Variants in PSEN1 observed in about 807,000 individuals in gnomAD.
PSEN1 encodes presenilin 1, also known as presenilin-1.
Under a neutral mutation model 53.5 loss-of-function variants are expected in PSEN1, and 15 were observed. That is an observed-to-expected ratio of 0.28 (90% confidence interval 0.19 to 0.43). PSEN1 has a LOEUF of 0.43. PSEN1 is among the 20% of genes least tolerant of loss of function. The pLI is 1.00. For synonymous variants in PSEN1, 208 were observed against 209.8 expected (o/e 0.99, Z 0.08); for missense variants, 387 against 571.2 (o/e 0.68, Z 3.29).
At chr14:73,213,481 G>A (rs1899784987) in intron 10 of PSEN1, among the ~76,000 whole-genome samples, 1 of 151,882 alleles carries the variant, frequency 6.6e-6, no homozygotes, top group South Asian at 2.1e-4. Context: ...TTTCTCTGAA[G>A]CCAATGCAAA....
intron 8 of PSEN1, among the ~76,000 whole-genome samples, chr14:73,200,162 C>T (rs779972537): frequency 6.6e-6 from 1 of 152,088 alleles, no homozygotes; most frequent in African/African-American, 2.4e-5. Context: ...TATTGTTTGT[C>T]TAATGCTTTG....
chr14:73,141,749 C>T (rs1385835666), intron 1 of PSEN1, among the ~76,000 whole-genome samples: 1 of 151,954 alleles, frequency 6.6e-6, no homozygotes, highest in Non-Finnish European at 1.5e-5. Context: ...CGTGGCATTG[C>T]ATTCCAGCCT....
At chr14:73,162,890 T>A (rs1247956920) in intron 3 of PSEN1, among the ~76,000 whole-genome samples, 1 of 152,196 alleles carries the variant, frequency 6.6e-6, no homozygotes. Context: ...AGGTATATAT[T>A]AAGAGGGAGC....
chr14:73,197,894 A>T (rs372764513), intron 7 of PSEN1, 137 bp from the exon 8 acceptor site: 4 of 635,908 alleles, frequency 6.3e-6, no homozygotes, highest in Admixed American at 2.5e-5. Flanking sequence ...TTTATTTCAT[A>T]TTCATTCAAC....
chr14:73,170,005 C>G (rs923223511), intron 3 of PSEN1, among the ~76,000 whole-genome samples: 1 of 152,142 alleles, frequency 6.6e-6, no homozygotes, highest in East Asian at 1.9e-4. Context: ...GGGCAATTCC[C>G]GGAACTGAGG....
intron 6 of PSEN1, among the ~76,000 whole-genome samples, chr14:73,190,944 T>C (rs1052672305): frequency 1.3e-5 from 2 of 152,274 alleles, no homozygotes; most frequent in Non-Finnish European, 2.9e-5. Context: ...TACTCTATTT[T>C]GGAATTTCAA....
chr14:73,184,742 G>A (rs1482356611), intron 5 of PSEN1, among the ~76,000 whole-genome samples: 1 of 151,508 alleles, frequency 6.6e-6, no homozygotes, highest in Non-Finnish European at 1.5e-5. Flanking sequence ...CTGGCGGGGG[G>A]CTGACCCCCC....
chr14:73,169,558 A>G (rs1260265863), intron 3 of PSEN1: 1 of 152,044 alleles, frequency 6.6e-6, no homozygotes, highest in Non-Finnish European at 1.5e-5. Context: ...TGTGTTCCTT[A>G]TCTCTACCAA....
At chr14:73,171,765 T>C (rs747296392) in intron 4 of PSEN1, among the ~76,000 whole-genome samples, 3 of 152,174 alleles carry the variant, frequency 2.0e-5, no homozygotes, top group Non-Finnish European at 2.9e-5. Flanking sequence ...AAAACATTGC[T>C]TTACGAGGAA....
intron 3 of PSEN1, among the ~76,000 whole-genome samples, chr14:73,162,439 G>T (rs905626308): frequency 1.4e-5 from 2 of 142,320 alleles, no homozygotes; most frequent in African/African-American, 2.5e-5. Flanking sequence ...TCTCTCGCTC[G>T]CTCGCGCGCT....
intron 5 of PSEN1, among the ~76,000 whole-genome samples, chr14:73,185,584 GGAAAGAGA>G (rs1898476600): frequency 6.6e-6 from 1 of 151,878 alleles, no homozygotes; most frequent in African/African-American, 2.4e-5. Flanking sequence ...GGGAGACCGT[GGAAAGAGA>G]GGGAGAGGGA....
intron 1 of PSEN1, among the ~76,000 whole-genome samples, chr14:73,141,072 G>C (rs1283262485): frequency 6.6e-6 from 1 of 152,188 alleles, no homozygotes; most frequent in Middle Eastern, 3.2e-3. Flanking sequence ...CAAATGTCTG[G>C]TTATGCCACA....
At chr14:73,148,523 T>C (rs1287786330) in intron 3 of PSEN1, among the ~76,000 whole-genome samples, 1 of 152,224 alleles carries the variant, frequency 6.6e-6, no homozygotes, top group East Asian at 1.9e-4. Context: ...TTCTAAGGGT[T>C]CAAAGGAGGG....
At chr14:73,150,088 A>G (rs1354305343) in intron 3 of PSEN1, among the ~76,000 whole-genome samples, 2 of 152,186 alleles carry the variant, frequency 1.3e-5, no homozygotes, top group East Asian at 3.8e-4. Context: ...TTGTTGTGAA[A>G]TGTTTCTAGC....
At chr14:73,204,852 C>T (rs1044307909) in intron 8 of PSEN1, among the ~76,000 whole-genome samples, 6 of 151,842 alleles carry the variant, frequency 4.0e-5, no homozygotes, top group South Asian at 4.2e-4. Context: ...GCCTGGGCAA[C>T]GTAGTGAGAC....
chr14:73,142,929 G>A (rs1896966329), intron 1 of PSEN1, among the ~76,000 whole-genome samples: 1 of 152,184 alleles, frequency 6.6e-6, no homozygotes, highest in Non-Finnish European at 1.5e-5. Flanking sequence ...GGTGACCAGA[G>A]AGCAAAAACA....
intron 10 of PSEN1, among the ~76,000 whole-genome samples, chr14:73,216,398 T>C (rs1159537768): frequency 1.3e-5 from 2 of 152,188 alleles, no homozygotes; most frequent in Non-Finnish European, 2.9e-5. Flanking sequence ...TCTATTAATT[T>C]TCCACAATCA....
At chr14:73,163,590 A>C (rs994206078) in intron 3 of PSEN1, among the ~76,000 whole-genome samples, 1 of 152,234 alleles carries the variant, frequency 6.6e-6, no homozygotes, top group African/African-American at 2.4e-5. Flanking sequence ...GCTACATCAA[A>C]TAATCACAAG....
At chr14:73,218,086 CTTTTT>C (rs58637970) in intron 11 of PSEN1, among the ~76,000 whole-genome samples, 3 of 97,894 alleles carry the variant, frequency 3.1e-5, no homozygotes, top group South Asian at 3.6e-4. Context: ...CCGCACCTGG[CTTTTT>C]TTTTTTTTTT....
Sources: allele counts gnomAD v4.1 joint callset (sites outside exome capture counted in the v4.1 genomes callset), GRCh38; gene constraint gnomAD v4.1.1; transcripts MANE v1.5; gene names NCBI Gene and HGNC (gene_info 2026-07-23, HGNC 2026-07-21).